MXRA7: variants seen among roughly 807,000 people sequenced by gnomAD.
MXRA7 encodes matrix-remodeling-associated protein 7.
A neutral mutation model predicts 17.4 loss-of-function variants in MXRA7; 18 were observed. The observed-to-expected ratio is 1.03, with a 90% confidence interval of 0.71 to 1.53. MXRA7 has a LOEUF of 1.53. Ranked by LOEUF, MXRA7 falls within the 40% of genes most tolerant of loss-of-function variation. The probability of loss-of-function intolerance (pLI) is 0.00; values close to 1 mark genes in which losing one functional copy is unlikely to be tolerated. For synonymous variants in MXRA7, 70 were observed against 101.7 expected (o/e 0.69, Z 1.87); for missense variants, 141 against 209.3 (o/e 0.67, Z 2.01).
chr17:76,686,113 CTGATGT>C (rs2076392755), intron 2 of MXRA7, among the ~76,000 whole-genome samples: 1 of 152,172 alleles, frequency 6.6e-6, no homozygotes, highest in Non-Finnish European at 1.5e-5. Flanking sequence ...ACCGGATAGG[CTGATGT>C]GGACCGATGG....
At chr17:76,707,269 T>C (rs989299078) in intron 1 of MXRA7, among the ~76,000 whole-genome samples, 1 of 149,632 alleles carries the variant, frequency 6.7e-6, no homozygotes, top group African/African-American at 2.5e-5. Flanking sequence ...ACCGGCCCAC[T>C]GCCTTGCAGG....
chr17:76,697,175 T>TAACCC (rs1363676287), intron 1 of MXRA7, among the ~76,000 whole-genome samples: 2 of 152,126 alleles, frequency 1.3e-5, no homozygotes, highest in Non-Finnish European at 1.5e-5. Context: ...GGGTGGGCCC[T>TAACCC]AACCCAAGGA....
chr17:76,704,348 G>A (rs2143679963), intron 1 of MXRA7, among the ~76,000 whole-genome samples: 1 of 150,174 alleles, frequency 6.7e-6, no homozygotes, highest in South Asian at 2.1e-4. Flanking sequence ...TGGGACTACA[G>A]GTGCCCGCCA....
At chr17:76,697,521 A>G (rs188415283) in intron 1 of MXRA7, among the ~76,000 whole-genome samples, 41 of 152,366 alleles carry the variant, frequency 2.7e-4, no homozygotes, top group Admixed American at 1.2e-3. Context: ...GCTGGTCCCC[A>G]GGGCAGGCTG....
At chr17:76,697,159 C>G (rs1379944401) in intron 1 of MXRA7, among the ~76,000 whole-genome samples, 1 of 152,236 alleles carries the variant, frequency 6.6e-6, no homozygotes, top group South Asian at 2.1e-4. Context: ...TAAAATGAAG[C>G]CATTAGGGTG....
chr17:76,707,806 A>G (rs1678568431), intron 1 of MXRA7, among the ~76,000 whole-genome samples: 1 of 152,162 alleles, frequency 6.6e-6, no homozygotes, highest in African/African-American at 2.4e-5. Flanking sequence ...ACCCCAACCT[A>G]CACAGGAGCA....
At chr17:76,689,255 T>TAG (rs1221402429) in intron 1 of MXRA7, 2 of 152,164 alleles carry the variant, frequency 1.3e-5, no homozygotes, top group African/African-American at 4.8e-5. Flanking sequence ...CAAGCCCAGC[T>TAG]AATTTTTTTG....
chr17:76,701,087 G>A (rs1012857805), intron 1 of MXRA7, among the ~76,000 whole-genome samples: 2 of 152,070 alleles, frequency 1.3e-5, no homozygotes, highest in African/African-American at 4.8e-5. Context: ...GTGAGCAGGG[G>A]CCGGGGGGTG....
At chr17:76,678,405 C>G (rs149405568), downstream of MXRA7, among the ~76,000 whole-genome samples, 396 of 152,334 alleles carry the variant, frequency 2.6e-3, 3 homozygotes, top group East Asian at 0.012. Context: ...TGAGGCTCAG[C>G]TACACCATCT....
At chr17:76,691,947 T>C (rs752492318) in intron 1 of MXRA7, among the ~76,000 whole-genome samples, 54 of 152,066 alleles carry the variant, frequency 3.6e-4, no homozygotes, top group Non-Finnish European at 5.6e-4. Flanking sequence ...AAACAAATAA[T>C]TGCACTCCAG....
intron 1 of MXRA7, chr17:76,690,338 T>C (rs552450616): frequency 5.3e-5 from 8 of 152,292 alleles, no homozygotes; most frequent in African/African-American, 1.9e-4. Flanking sequence ...TTTTAAATGC[T>C]AATGGTGTCT....
chr17:76,710,247 G>C (rs543622142), intron 1 of MXRA7, among the ~76,000 whole-genome samples: 2 of 152,328 alleles, frequency 1.3e-5, no homozygotes, highest in South Asian at 4.1e-4. Context: ...CCGGTGGGCG[G>C]GAGGGGTCAG....
rs8065731 is a variant in MXRA7 at position 76,696,610 on chromosome 17, G to A, written c.343-8434C>T. Among the ~76,000 whole-genome samples, 1,420 of 151,962 alleles carry A rather than the reference G, an allele frequency of 9.3e-3. 31 individuals are homozygous for A. Among genetic ancestry groups the A allele is most frequent in the African/African-American group, 0.033 (1,366 of 41,430 alleles). Reference sequence around the variant, plus strand: ...AACACGGACAAACAGAGTGAGAGCTGCACTTGGGAGGCTGAGGTGGGAGGA... The same window carrying A: ...AACACGGACAAACAGAGTGAGAGCTACACTTGGGAGGCTGAGGTGGGAGGA... On this transcript the variant is annotated intron_variant, in intron 1 of 3. Transcript: ENST00000449428.
chr17:76,691,571 C>T (rs1319343712), intron 1 of MXRA7, among the ~76,000 whole-genome samples: 1 of 152,036 alleles, frequency 6.6e-6, no homozygotes, highest in Admixed American at 6.6e-5. Flanking sequence ...TGCACTGATT[C>T]CAGGCAGTTA....
downstream of MXRA7, among the ~76,000 whole-genome samples, chr17:76,678,986 T>C (rs765115613): frequency 2.0e-5 from 3 of 152,162 alleles, no homozygotes; most frequent in Non-Finnish European, 2.9e-5. Context: ...TGATGTGTGC[T>C]TTGTGCCCTC....
rs1049700744 is a variant in MXRA7 at position 76,683,774 on chromosome 17, G to A, written c.500+1298C>T. On this transcript the variant is annotated intron_variant, in intron 3 of 3. Coordinates refer to ENST00000449428, the MANE Select transcript of MXRA7 (RefSeq NM_198530.4). ...ATGGAGGAGGGGAGGTTGAGGCCGCGTCAGTTGTTTGGGGGCACGTTAGCA... is the reference window on the plus strand; with the variant it reads ...ATGGAGGAGGGGAGGTTGAGGCCGCATCAGTTGTTTGGGGGCACGTTAGCA... 4 of 1,092,486 alleles carry A rather than the reference G, an allele frequency of 3.7e-6. No individual in the cohort carries two copies. The African/African-American group carries it at 6.2e-5, about 17-fold the overall frequency. The allele number at this position is 1,092,486 out of a possible 1,614,324, so 67.7% of individuals were successfully genotyped here.
At chr17:76,700,579 C>G (rs1189987130) in intron 1 of MXRA7, among the ~76,000 whole-genome samples, 1 of 152,232 alleles carries the variant, frequency 6.6e-6, no homozygotes, top group African/African-American at 2.4e-5. Context: ...TGCCTCTAGG[C>G]AGGAGCCCAC....
At chr17:76,673,181 C>T (rs2076215136) in exon 4 of MXRA7, 1 of 152,234 alleles carries the variant, frequency 6.6e-6, no homozygotes, top group Non-Finnish European at 1.5e-5. Context: ...GGGCTGCCCC[C>T]AGAACAGGAT....
intron 1 of MXRA7, chr17:76,688,401 T>C: frequency 7.0e-7 from 1 of 1,419,006 alleles, no homozygotes; most frequent in Non-Finnish European, 9.2e-7. Context: ...GGCGTGTTCT[T>C]GACTGTGCAC....
Sources: allele counts gnomAD v4.1 joint callset (sites outside exome capture counted in the v4.1 genomes callset), GRCh38; gene constraint gnomAD v4.1.1; transcripts MANE v1.5; gene names NCBI Gene and HGNC (gene_info 2026-07-23, HGNC 2026-07-21).